PHF21B: variants seen among roughly 807,000 people sequenced by gnomAD.
PHF21B encodes the protein PHD finger protein 21B.
In PHF21B, 22 loss-of-function variants were observed where a neutral mutation model predicts 62.2. The ratio of observed to expected loss-of-function variants is 0.35; its 90% confidence interval spans 0.25 to 0.51. The LOEUF (loss-of-function observed/expected upper bound fraction) is 0.51, where lower values mean the gene tolerates loss of function less well. Among genes scored for constraint, PHF21B ranks in the 20% least tolerant of loss-of-function variants. PHF21B has a pLI of 0.97. For missense variants in PHF21B, 701 were observed against 707.9 expected (o/e 0.99, Z 0.11); for synonymous variants, 341 against 314.7 (o/e 1.08, Z -0.88).
chr22:44,886,017 C>A, intron 10 of PHF21B, 79 bp from the exon 11 acceptor site: 1 of 1,371,384 alleles, frequency 7.3e-7, no homozygotes, highest in Admixed American at 1.8e-5. Flanking sequence ...GCTGTGTAAC[C>A]CTGAGGGGGC....
intron 2 of PHF21B, among the ~76,000 whole-genome samples, chr22:44,931,786 A>G (rs1250183589): frequency 2.0e-5 from 3 of 152,162 alleles, no homozygotes; most frequent in East Asian, 1.9e-4. Flanking sequence ...GAGACCAGCT[A>G]AAACGGCCAC....
At chr22:44,951,718 A>C (rs1447016196) in intron 2 of PHF21B, among the ~76,000 whole-genome samples, 1 of 152,096 alleles carries the variant, frequency 6.6e-6, no homozygotes, top group African/African-American at 2.4e-5. Context: ...TCCAGTTTGG[A>C]TTATCATAAA....
intron 2 of PHF21B, among the ~76,000 whole-genome samples, chr22:44,936,506 G>A (rs1236592123): frequency 2.0e-5 from 3 of 152,128 alleles, no homozygotes; most frequent in Non-Finnish European, 2.9e-5. Context: ...CTGCCCACTC[G>A]AGACAGGACC....
rs766484210 is a variant in PHF21B, at chr22:44,891,390, C to G, written c.961-30G>C. The G allele has an allele frequency of 1.6e-5, 25 of 1,610,296 alleles. No individual in the cohort carries two copies. The South Asian group carries it at 1.7e-4, about 11-fold the overall frequency. On this transcript the variant is annotated intron_variant, in intron 7 of 12. Coordinates refer to ENST00000313237, the MANE Select transcript of PHF21B (RefSeq NM_138415.5). Reference sequence around the variant, plus strand: ...AGGGACAGAAAACAAAACAACACACCCCATCATCTGGAGGCTCTCTTCGAT... The same window carrying G: ...AGGGACAGAAAACAAAACAACACACGCCATCATCTGGAGGCTCTCTTCGAT...
rs766521474 is a variant in PHF21B, at chr22:44,916,326, C to G, written c.518G>C (p.Ser173Thr). 8 of 1,597,904 alleles carry G rather than the reference C, an allele frequency of 5.0e-6. No homozygotes were observed. The highest frequency in any genetic ancestry group is 1.7e-4 in the Middle Eastern group (1 of 5,998). Residue 173 changes from serine (S) to threonine (T), a missense_variant, in exon 4 of 13, where the codon AGT becomes ACT. By Grantham distance (58) the Ser-to-Thr change is moderately conservative. Coordinates refer to ENST00000313237, the MANE Select transcript of PHF21B (RefSeq NM_138415.5). Reference protein sequence around the residue: ...MAPSTAVSVVSDSIKVQPLLI... With the variant: ...MAPSTAVSVVTDSIKVQPLLI... ...GAGGGGCTGGACTTTGATGCTGTCA[C>G]TGACCACAGACACGGCGGTGCTGGG...
At position 44,956,746 on chromosome 22, in the gene PHF21B, G is replaced by T. The variant is rs556719644; in HGVS notation, c.121-36256C>A. Among the ~76,000 whole-genome samples the T allele has an allele frequency of 1.1e-4, 17 of 152,254 alleles. No individual in the cohort carries two copies. The South Asian group carries it at 1.2e-3, about 11-fold the overall frequency. On this transcript the variant is annotated intron_variant, in intron 2 of 12. Transcript: ENST00000313237. ...GGGACCTCTTGCTGGGCCCACCCAAGGCAGTGCTTTCTGTTTCTGGAATCC... is the reference window on the plus strand; with the variant it reads ...GGGACCTCTTGCTGGGCCCACCCAATGCAGTGCTTTCTGTTTCTGGAATCC...
intron 5 of PHF21B, among the ~76,000 whole-genome samples, chr22:44,900,535 A>G (rs2071139317): frequency 6.6e-6 from 1 of 152,130 alleles, no homozygotes; most frequent in South Asian, 2.1e-4. Context: ...TCCTGACCTC[A>G]AGTGATCCAC....
chr22:45,003,900 A>G (rs948210740), intron 2 of PHF21B, among the ~76,000 whole-genome samples: 8 of 152,356 alleles, frequency 5.3e-5, no homozygotes, highest in East Asian at 3.9e-4. Flanking sequence ...AGATGTAAAT[A>G]TATCTATTTA....
In PHF21B at chr22:44,891,489, C is replaced by A. The variant is rs1601568322; in HGVS notation, c.961-129G>T. ...CAGGGCTCCAGGCTCTGGCTGGACA[C>A]CCCCTGCCAGGGGCAGAAATAGGAA... On this transcript the variant is annotated intron_variant, in intron 7 of 12. Transcript: ENST00000313237. 5.5e-6 allele frequency: 6 copies of A among 1,086,980 alleles called. No individual in the cohort carries two copies. The East Asian group carries it at 7.5e-5, about 14-fold the overall frequency. The allele number at this position is 1,086,980 out of a possible 1,614,324, so 67.3% of individuals were successfully genotyped here.
chr22:44,907,835 C>T (rs9614975), intron 5 of PHF21B, among the ~76,000 whole-genome samples: 9,311 of 152,224 alleles, frequency 0.061, 325 homozygotes, highest in Admixed American at 0.073. Flanking sequence ...AGGTGGGACA[C>T]AGACTGGCCT....
chr22:44,896,816 G>C lies in PHF21B; in HGVS notation c.832-733C>G, dbSNP rs149484754. On this transcript the variant is annotated intron_variant, in intron 5 of 12. Transcript: ENST00000313237. ...CCAGTTTTGTAATGACCATTTCTTT[G>C]ACTTTGTATACATATGCATGTATTT... 6.0e-5 allele frequency among the ~76,000 whole-genome samples: 9 copies of C among 149,536 alleles called. No individual in the cohort carries two copies. In the East Asian group the frequency reaches 1.8e-3, roughly 29 times the overall value.
intron 2 of PHF21B, among the ~76,000 whole-genome samples, chr22:44,994,572 TG>T (rs1270604553): frequency 6.6e-6 from 1 of 152,170 alleles, no homozygotes; most frequent in Admixed American, 6.5e-5. Flanking sequence ...GCCCAGCTCG[TG>T]GGGATCAGTT....
chr22:44,891,236 G>A, intron 8 of PHF21B, 70 bp downstream of exon 8: 6 of 1,564,584 alleles, frequency 3.8e-6, no homozygotes, highest in Non-Finnish European at 5.2e-6. Context: ...CCCAGGCGTG[G>A]AGGACCACCC....
chr22:44,902,273 A>G, intron 5 of PHF21B: 1 of 241,584 alleles, frequency 4.1e-6, no homozygotes, highest in Non-Finnish European at 8.8e-6. Flanking sequence ...ACAAACAGAG[A>G]AGTACAAGAT....
intron 2 of PHF21B, chr22:45,002,948 A>G (rs1289653562): frequency 1.3e-5 from 2 of 152,204 alleles, no homozygotes; most frequent in Non-Finnish European, 1.5e-5. Context: ...AGGAGGCCCT[A>G]TGGACGCATC....
intron 2 of PHF21B, among the ~76,000 whole-genome samples, chr22:44,942,592 G>A (rs1206386024): frequency 2.0e-5 from 3 of 152,198 alleles, no homozygotes; most frequent in Non-Finnish European, 4.4e-5. Context: ...GGCTGCCCTA[G>A]GAGCAGCTGC....
At chr22:44,963,281 C>T (rs994115493) in intron 2 of PHF21B, among the ~76,000 whole-genome samples, 10 of 152,216 alleles carry the variant, frequency 6.6e-5, no homozygotes, top group Admixed American at 4.6e-4. Context: ...CGACCCGCCA[C>T]GCTCACACCA....
chr22:44,894,986 C>A (rs2071031755), intron 6 of PHF21B, among the ~76,000 whole-genome samples: 1 of 152,260 alleles, frequency 6.6e-6, no homozygotes, highest in Non-Finnish European at 1.5e-5. Flanking sequence ...AACTTCAAGA[C>A]TGCTAGTGCC....
chr22:44,985,905 A>G (rs900720677), intron 2 of PHF21B, among the ~76,000 whole-genome samples: 1 of 150,588 alleles, frequency 6.6e-6, no homozygotes, highest in East Asian at 2.0e-4. Context: ...CATCACCATG[A>G]GCACCACCAT....
Sources: gnomAD v4.1 joint callset for allele counts (sites outside exome capture counted in the v4.1 genomes callset) on GRCh38, gnomAD v4.1.1 for gene constraint, MANE v1.5 for transcripts, NCBI Gene and HGNC (gene_info 2026-07-23, HGNC 2026-07-21) for gene names.